CAMTA1: variants seen among roughly 807,000 people sequenced by gnomAD.
CAMTA1 encodes the protein calmodulin binding transcription activator 1.
CAMTA1 carries 27 observed loss-of-function variants against 170.9 expected under a neutral mutation model. The observed-to-expected ratio is 0.16, with a 90% CI of 0.12 to 0.22. The LOEUF (loss-of-function observed/expected upper bound fraction) is 0.22, where lower values mean the gene tolerates loss of function less well. Among genes scored for constraint, CAMTA1 ranks in the 10% least tolerant of loss-of-function variants. The probability of loss-of-function intolerance (pLI) is 1.00; values close to 1 mark genes in which losing one functional copy is unlikely to be tolerated. For missense variants in CAMTA1, 1,619 were observed against 2,217.2 expected (o/e 0.73, Z 5.42); for synonymous variants, 833 against 891.5 (o/e 0.93, Z 1.17).
At chr1:7,716,805 A>T (rs1226805127) in intron 11 of CAMTA1, among the ~76,000 whole-genome samples, 1 of 152,210 alleles carries the variant, frequency 6.6e-6, no homozygotes, top group Non-Finnish European at 1.5e-5. Flanking sequence ...AGGATGTCAG[A>T]GAGAGATCTG....
At chr1:6,967,838 A>G (rs1299376753) in intron 3 of CAMTA1, among the ~76,000 whole-genome samples, 2 of 152,180 alleles carry the variant, frequency 1.3e-5, no homozygotes, top group African/African-American at 4.8e-5. Flanking sequence ...GGGTGAAGTC[A>G]GAATGTCCTA....
chr1:7,726,427 T>A (rs1301032886), intron 11 of CAMTA1, among the ~76,000 whole-genome samples: 5 of 151,722 alleles, frequency 3.3e-5, no homozygotes, highest in Admixed American at 6.6e-5. Flanking sequence ...CACTTGAAGG[T>A]AGGGTATCAT....
At position 7,292,879 on chromosome 1, in the gene CAMTA1, C is replaced by T. The variant is rs145627338; in HGVS notation, c.438+43253C>T. Among the ~76,000 whole-genome samples the T allele has an allele frequency of 5.0e-3, 759 of 152,228 alleles. 5 individuals are homozygous for T. The highest frequency in any genetic ancestry group is 0.017 in the African/African-American group (701 of 41,536). On this transcript the variant is annotated intron_variant, in intron 5 of 22. Transcript: ENST00000303635. Reference sequence around the variant, plus strand: ...CACGTGTTTCCTGCAGCCTCGCTTCCGCCTTTAGGAAGCAGGCAGAGGAAT... The same window carrying T: ...CACGTGTTTCCTGCAGCCTCGCTTCTGCCTTTAGGAAGCAGGCAGAGGAAT...
At chr1:7,227,571 C>T (rs1200005029) in intron 4 of CAMTA1, among the ~76,000 whole-genome samples, 3 of 152,126 alleles carry the variant, frequency 2.0e-5, no homozygotes, top group African/African-American at 7.2e-5. Context: ...TCAGGTGATC[C>T]ACCTGCCTCA....
At chr1:6,954,371 G>A (rs1689071108) in intron 3 of CAMTA1, among the ~76,000 whole-genome samples, 1 of 152,154 alleles carries the variant, frequency 6.6e-6, no homozygotes, top group South Asian at 2.1e-4. Context: ...GAGCTGTTGG[G>A]GTGTGGACGG....
chr1:6,830,712 A>C (rs1649617963), intron 3 of CAMTA1, among the ~76,000 whole-genome samples: 2 of 152,174 alleles, frequency 1.3e-5, no homozygotes, highest in South Asian at 4.1e-4. Flanking sequence ...TGCATAATTC[A>C]ATGAGTTTTT....
intron 11 of CAMTA1, among the ~76,000 whole-genome samples, chr1:7,703,445 G>A (rs1350729731): frequency 1.3e-5 from 2 of 152,194 alleles, no homozygotes; most frequent in African/African-American, 2.4e-5. Context: ...CAGCCCCCAA[G>A]GGAAGCCATG....
chr1:7,444,449 C>T (rs771058900), intron 5 of CAMTA1, among the ~76,000 whole-genome samples: 3 of 152,242 alleles, frequency 2.0e-5, no homozygotes, highest in Non-Finnish European at 2.9e-5. Context: ...GGCTGCAGTA[C>T]GTGGCCATAG....
intron 3 of CAMTA1, among the ~76,000 whole-genome samples, chr1:6,966,209 A>G (rs1557897983): frequency 6.6e-6 from 1 of 152,076 alleles, no homozygotes; most frequent in Non-Finnish European, 1.5e-5. Context: ...ATATCACGCA[A>G]TTTACTCATT....
In CAMTA1 at chr1:7,674,918, G is replaced by C. The variant is rs1396643625; in HGVS notation, c.2780-2681G>C. On this transcript the variant is annotated intron_variant, in intron 10 of 22. Coordinates refer to ENST00000303635, the MANE Select transcript of CAMTA1 (RefSeq NM_015215.4). The surrounding 1 kb of genome is among the most constrained non-coding windows in gnomAD (Gnocchi z 4.1). ...GGCACTAGGCATGAAGATTAAGACA[G>C]AGCCAGTCCCAGCTCTCATGAGCTA... Among the ~76,000 whole-genome samples, 1 of 152,208 alleles carries C rather than the reference G, an allele frequency of 6.6e-6. No homozygotes were observed. The highest frequency in any genetic ancestry group is 2.4e-5 in the African/African-American group (1 of 41,442).
chr1:7,207,791 T>A (rs1212799187), intron 4 of CAMTA1, among the ~76,000 whole-genome samples: 1 of 152,166 alleles, frequency 6.6e-6, no homozygotes, highest in Non-Finnish European at 1.5e-5. Flanking sequence ...CTCCCCAGTC[T>A]TCGTGAAATA....
In CAMTA1 at chr1:7,086,844, C is replaced by T. The variant is rs149183145; in HGVS notation, c.235-4460C>T. On this transcript the variant is annotated intron_variant, in intron 3 of 22. Coordinates refer to ENST00000303635, the MANE Select transcript of CAMTA1 (RefSeq NM_015215.4). ...GCAGATACTTGGGGTAGGTCCACCTCTTGGCTACTGTGAGCGATGCTACTG... is the reference window on the plus strand; with the variant it reads ...GCAGATACTTGGGGTAGGTCCACCTTTTGGCTACTGTGAGCGATGCTACTG... Among the ~76,000 whole-genome samples the T allele has an allele frequency of 2.6e-5, 4 of 152,352 alleles. No individual in the cohort carries two copies. In the East Asian group the frequency reaches 7.7e-4, roughly 29 times the overall value.
At position 7,547,319 on chromosome 1, in the gene CAMTA1, G is replaced by C. The variant is rs2094707479; in HGVS notation, c.510+79418G>C. ...CACTGCTCCCAGGCCTCTCTCAGTA[G>C]ATAGAGCTGGGGAATATATGTATCA... On this transcript the variant is annotated intron_variant, in intron 6 of 22. Coordinates refer to ENST00000303635, the MANE Select transcript of CAMTA1 (RefSeq NM_015215.4). The surrounding 1 kb of genome is among the most constrained non-coding windows in gnomAD (Gnocchi z 5.7). Among the ~76,000 whole-genome samples the C allele has an allele frequency of 6.7e-6, 1 of 150,214 alleles. No homozygotes were observed. Among genetic ancestry groups the C allele is most frequent in the Admixed American group, 6.7e-5 (1 of 14,924 alleles).
intron 5 of CAMTA1, among the ~76,000 whole-genome samples, chr1:7,348,026 C>G (rs2084353485): frequency 6.6e-6 from 1 of 152,178 alleles, no homozygotes; most frequent in Admixed American, 6.5e-5. Context: ...GTGTAGAGGA[C>G]TGGACCTCAC....
intron 4 of CAMTA1, among the ~76,000 whole-genome samples, chr1:7,175,050 GTGTGCGTGTGTGTGTGTGTA>G (rs1650496657): frequency 6.6e-6 from 1 of 152,198 alleles, no homozygotes; most frequent in African/African-American, 2.4e-5. Flanking sequence ...CCTGGTGTGT[GTGTGCGTGTGTGTGTGTGTA>G]TGTGCGTGTC....
At chr1:7,500,010 T>TGTCCGTGA (rs1443067273) in intron 6 of CAMTA1, among the ~76,000 whole-genome samples, 1 of 136,912 alleles carries the variant, frequency 7.3e-6, no homozygotes, top group Non-Finnish European at 1.6e-5. Context: ...TGTGCATATG[T>TGTCCGTGA]GCACATTTAC....
In CAMTA1 at chr1:7,261,838, A is replaced by G. The variant is rs148127041; in HGVS notation, c.438+12212A>G. ...GCGTTGTCTGATAGCTTGAGTTTCA[A>G]AATACTGTGTGACTTCTTTTTCTTT... On this transcript the variant is annotated intron_variant, in intron 5 of 22. Coordinates refer to ENST00000303635, the MANE Select transcript of CAMTA1 (RefSeq NM_015215.4). Among the ~76,000 whole-genome samples, 840 of 152,348 alleles carry G rather than the reference A, an allele frequency of 5.5e-3. 6 individuals are homozygous for G. Among genetic ancestry groups the G allele is most frequent in the African/African-American group, 0.019 (810 of 41,584 alleles).
rs1659781083 is a variant in CAMTA1, at chr1:7,216,554, A to T, written c.303-32937A>T. Among the ~76,000 whole-genome samples the T allele has an allele frequency of 6.6e-6, 1 of 151,908 alleles. No individual in the cohort carries two copies. The highest frequency in any genetic ancestry group is 6.6e-5 in the Admixed American group (1 of 15,256). On this transcript the variant is annotated intron_variant, in intron 4 of 22. Transcript: ENST00000303635. This position sits in a 1 kb window ranked among gnomAD's most constrained non-coding sequence, Gnocchi z 4.0. Reference sequence around the variant, plus strand: ...TCGTTCTTTCACAGAACTGTCGCCCAGGCTGCAGTGCAGTGTTGAGTTCTC... The same window carrying T: ...TCGTTCTTTCACAGAACTGTCGCCCTGGCTGCAGTGCAGTGTTGAGTTCTC...
rs555940361 is a variant in CAMTA1, at chr1:7,424,598, G to A, written c.439-43232G>A. On this transcript the variant is annotated intron_variant, in intron 5 of 22. Transcript: ENST00000303635. ...AGCCTGTTGGTGCAGCTGACACGTT[G>A]TAAGAAAGCAGGCCGCTGTGGATGG... is the stretch of plus-strand genomic sequence containing the variant. Among the ~76,000 whole-genome samples the A allele has an allele frequency of 9.9e-5, 15 of 152,262 alleles. No individual in the cohort carries two copies. The South Asian group carries it at 3.1e-3, about 32-fold the overall frequency.
Sources: gnomAD v4.1 joint callset for allele counts (sites outside exome capture counted in the v4.1 genomes callset) on GRCh38, gnomAD v4.1.1 for gene constraint, Gnocchi (gnomAD v3.1) non-coding constraint, MANE v1.5 for transcripts, NCBI Gene and HGNC (gene_info 2026-07-23, HGNC 2026-07-21) for gene names.